SLC35F1: variants seen among roughly 807,000 people sequenced by gnomAD.
The protein encoded by SLC35F1 is solute carrier family 35 member F1, also known as chromosome 6 open reading frame 169.
SLC35F1 carries 14 observed loss-of-function variants against 48.7 expected under a neutral mutation model. That is an observed-to-expected ratio of 0.29 (90% CI 0.19 to 0.45). The LOEUF (loss-of-function observed/expected upper bound fraction) is 0.45, where lower values mean the gene tolerates loss of function less well. Among genes scored for constraint, SLC35F1 ranks in the 20% least tolerant of loss-of-function variants. The pLI is 1.00. For missense variants in SLC35F1, 404 were observed against 500.0 expected, an observed-to-expected ratio of 0.81 and a Z score of 1.83; for synonymous variants, 190 against 202.2, an observed-to-expected ratio of 0.94 and a Z score of 0.51.
intron 1 of SLC35F1, among the ~76,000 whole-genome samples, chr6:117,949,248 T>C (rs1254802225): frequency 6.6e-6 from 1 of 152,204 alleles, no homozygotes; most frequent in Non-Finnish European, 1.5e-5. Context: ...AGTTCAGAGT[T>C]GATAGTAGAG....
chr6:118,000,443 A>G (rs970076894), intron 1 of SLC35F1, among the ~76,000 whole-genome samples: 3 of 152,174 alleles, frequency 2.0e-5, no homozygotes, highest in Non-Finnish European at 4.4e-5. Flanking sequence ...TTGATGGGAC[A>G]TATCTCAAAA....
chr6:118,133,366 C>T (rs746169619), intron 1 of SLC35F1, among the ~76,000 whole-genome samples: 7 of 152,170 alleles, frequency 4.6e-5, no homozygotes, highest in South Asian at 4.1e-4. Flanking sequence ...AATTAAGTGG[C>T]GCAACTATTT....
At chr6:118,188,685 T>C (rs61685030) in intron 2 of SLC35F1, among the ~76,000 whole-genome samples, 4,120 of 152,308 alleles carry the variant, frequency 0.027, 195 homozygotes, top group African/African-American at 0.094. Context: ...TAATATCTCA[T>C]TGTATATATA....
intron 1 of SLC35F1, among the ~76,000 whole-genome samples, chr6:117,966,055 C>T (rs897681210): frequency 2.6e-5 from 4 of 151,670 alleles, no homozygotes; most frequent in Non-Finnish European, 5.9e-5. Context: ...GTAAAACCGA[C>T]CAATCAGCTC....
chr6:118,149,810 T>C (rs1448647463), intron 1 of SLC35F1, among the ~76,000 whole-genome samples: 2 of 152,222 alleles, frequency 1.3e-5, no homozygotes, highest in African/African-American at 4.8e-5. Context: ...TAGATTTGTA[T>C]TGACCTCTTG....
chr6:117,920,233 G>A (rs1393730604), intron 1 of SLC35F1, among the ~76,000 whole-genome samples: 2 of 152,218 alleles, frequency 1.3e-5, no homozygotes, highest in African/African-American at 4.8e-5. Context: ...CGCGAGCCTC[G>A]GGGCTTGGGT....
chr6:117,945,856 C>G (rs548192976), intron 1 of SLC35F1, among the ~76,000 whole-genome samples: 1 of 152,248 alleles, frequency 6.6e-6, no homozygotes, highest in East Asian at 1.9e-4. Context: ...TATGGTCCCC[C>G]AGAGTGAACT....
chr6:118,283,007 G>A (rs1344520702), intron 6 of SLC35F1, among the ~76,000 whole-genome samples: 9 of 152,086 alleles, frequency 5.9e-5, no homozygotes, highest in Non-Finnish European at 1.2e-4. Flanking sequence ...GTCAGCTGCC[G>A]CAAACTCCTC....
chr6:118,072,574 A>G lies in SLC35F1; in HGVS notation c.174-81871A>G, dbSNP rs1582650809. ...GTGAGATTCTGCCTCAAAAAAAGAA[A>G]AAAAAAATTAGAGGATTTCTTTTTC... On this transcript the variant is annotated intron_variant, in intron 1 of 7. Transcript: ENST00000360388. Among the ~76,000 whole-genome samples the G allele has an allele frequency of 3.3e-5, 5 of 152,290 alleles. 1 individual carries two copies. The highest frequency in any genetic ancestry group is 3.3e-4 in the Admixed American group (5 of 15,296).
At chr6:117,938,427 C>A (rs1263246840) in intron 1 of SLC35F1, among the ~76,000 whole-genome samples, 1 of 152,238 alleles carries the variant, frequency 6.6e-6, no homozygotes, top group Admixed American at 6.5e-5. Flanking sequence ...TCTCTTCTGG[C>A]AAACTTTCAG....
intron 1 of SLC35F1, among the ~76,000 whole-genome samples, chr6:117,917,832 TAGAG>T (rs79911743): frequency 0.39 from 59,493 of 151,130 alleles, 13,262 homozygotes; most frequent in South Asian, 0.63. Flanking sequence ...CATGTGTAGA[TAGAG>T]AGAAAGAGGG....
chr6:118,161,814 T>C (rs746704872), intron 2 of SLC35F1, among the ~76,000 whole-genome samples: 4 of 152,178 alleles, frequency 2.6e-5, no homozygotes, highest in South Asian at 2.1e-4. Flanking sequence ...TATACAAATA[T>C]CATGCTGGGA....
intron 1 of SLC35F1, among the ~76,000 whole-genome samples, chr6:118,017,987 A>G (rs1777344851): frequency 6.6e-6 from 1 of 152,186 alleles, no homozygotes; most frequent in Non-Finnish European, 1.5e-5. Context: ...GGAGTGTTAG[A>G]CTTTGAAAAT....
At chr6:118,156,990 C>T (rs963905851) in intron 2 of SLC35F1, among the ~76,000 whole-genome samples, 8 of 152,110 alleles carry the variant, frequency 5.3e-5, no homozygotes, top group African/African-American at 1.9e-4. Context: ...AGTAAAATGC[C>T]TAGAGTTAAT....
chr6:118,013,378 T>C (rs1777277171), intron 1 of SLC35F1, among the ~76,000 whole-genome samples: 1 of 152,194 alleles, frequency 6.6e-6, no homozygotes, highest in Non-Finnish European at 1.5e-5. Context: ...TGGGGTGAGA[T>C]GTCATAATTT....
Position 117,907,579 on chromosome 6 carries a change from T to A in SLC35F1, c.-148T>A. The A allele has an allele frequency of 5.0e-6, 2 of 400,722 alleles. No individual in the cohort carries two copies. Among genetic ancestry groups the A allele is most frequent in the Non-Finnish European group, 4.3e-6 (1 of 233,246 alleles). The allele number at this position is 400,722 out of a possible 1,614,324, so 24.8% of individuals were successfully genotyped here. On this transcript the variant is annotated 5_prime_UTR_variant, in exon 1 of 8. Transcript: ENST00000360388. ...GGGCGGCGGCGGCCGTAGCCGCGGG[T>A]GCCTCCCCGCCTCACCGCTTCGCAG...
intron 1 of SLC35F1, among the ~76,000 whole-genome samples, chr6:118,041,233 T>C (rs1175547187): frequency 6.6e-6 from 1 of 152,176 alleles, no homozygotes; most frequent in Non-Finnish European, 1.5e-5. Flanking sequence ...GGTTGAATAT[T>C]TGGGGGTTTC....
In SLC35F1 at chr6:117,973,375, G is replaced by A. The variant is rs144273877; in HGVS notation, c.173+65476G>A. Among the ~76,000 whole-genome samples, 250 of 152,086 alleles carry A rather than the reference G, an allele frequency of 1.6e-3. 1 individual carries two copies. The highest frequency in any genetic ancestry group is 5.8e-3 in the African/African-American group (239 of 41,486). Reference sequence around the variant, plus strand: ...CAACATATGGATTTGGGGTTGTAAGGGGACAAAGGACATAATGACTGATTT... The same window carrying A: ...CAACATATGGATTTGGGGTTGTAAGAGGACAAAGGACATAATGACTGATTT... On this transcript the variant is annotated intron_variant, in intron 1 of 7. Coordinates refer to ENST00000360388, the MANE Select transcript of SLC35F1 (RefSeq NM_001029858.4).
Position 117,907,647 on chromosome 6 carries a change from TGCGCGTTCCCGG to T in SLC35F1, c.-77_-66del. The stretch of plus-strand genomic sequence containing the variant: ...GCCGCGGCCGCCCGGCCGGGTCCTC[TGCGCGTTCCCGG>T]GCCCGGAACCGGCACACGATGCACC... On this transcript the variant is annotated 5_prime_UTR_variant, in exon 1 of 8. Transcript: ENST00000360388. The T allele has an allele frequency of 1.2e-6, 1 of 843,430 alleles. No homozygotes were observed. Among genetic ancestry groups the T allele is most frequent in the Non-Finnish European group, 1.7e-6 (1 of 595,466 alleles). 52.2% of individuals were successfully genotyped at this position (843,430 alleles called of 1,614,324 possible).
Sources: allele counts gnomAD v4.1 joint callset (sites outside exome capture counted in the v4.1 genomes callset), GRCh38; gene constraint gnomAD v4.1.1; transcripts MANE v1.5; gene names NCBI Gene and HGNC (gene_info 2026-07-23, HGNC 2026-07-21).